Variants in G3BP1 observed in about 807,000 individuals in gnomAD.
G3BP1 encodes the protein G3BP stress granule assembly factor 1.
G3BP1 carries 35 observed loss-of-function variants against 58.6 expected under a neutral mutation model. That is an observed-to-expected ratio of 0.60 (90% CI 0.46 to 0.79). G3BP1 has a LOEUF of 0.79. Among genes scored for constraint, G3BP1 ranks in the 30% least tolerant of loss-of-function variants. The pLI is 0.00. For synonymous variants in G3BP1, 191 were observed against 195.4 expected (o/e 0.98, Z 0.19); for missense variants, 523 against 580.8 (o/e 0.90, Z 1.02).
intron 4 of G3BP1, chr5:151,792,186 G>T: frequency 2.2e-6 from 1 of 453,628 alleles, no homozygotes; most frequent in Non-Finnish European, 4.4e-6. Context: ...TTCCGGATTG[G>T]TCTAGACTGA....
intron 1 of G3BP1, among the ~76,000 whole-genome samples, chr5:151,772,887 A>T (rs966272988): frequency 6.6e-6 from 1 of 152,218 alleles, no homozygotes; most frequent in Admixed American, 6.5e-5. Flanking sequence ...CTGCAGCGGC[A>T]TTTGTACTTG....
intron 7 of G3BP1, among the ~76,000 whole-genome samples, chr5:151,798,555 A>G (rs1206212918): frequency 2.6e-5 from 4 of 152,234 alleles, no homozygotes; most frequent in South Asian, 2.1e-4. Flanking sequence ...TGATTCTACA[A>G]TTGATGTAAT....
intron 1 of G3BP1, among the ~76,000 whole-genome samples, chr5:151,785,009 A>C (rs1315449441): frequency 6.6e-6 from 1 of 152,342 alleles, no homozygotes; most frequent in African/African-American, 2.4e-5. Context: ...TCAAAGTAGA[A>C]TGTTTGGAAA....
In G3BP1 at chr5:151,800,220, C is replaced by T. The variant is rs749983520; in HGVS notation, c.958C>T (p.Arg320Cys). The change falls in exon 10 of 12, where the codon CGT becomes TGT. Residue 320 changes from arginine to cysteine, a missense_variant and splice_region_variant. By Grantham distance (180) the Arg-to-Cys change is radical. Coordinates refer to ENST00000356245, the MANE Select transcript of G3BP1 (RefSeq NM_005754.3). ...TGATGTTTTTGTCTCCTTTTAAGTC[C>T]GTGAGGCTGGTGAGCAAGGTGACAT... is the stretch of plus-strand genomic sequence containing the variant. ...IPPQRGPRPI[R>C]EAGEQGDIEP... 16 of 1,611,904 alleles carry T rather than the reference C, an allele frequency of 9.9e-6. No individual in the cohort carries two copies. The highest frequency in any genetic ancestry group is 1.1e-5 in the South Asian group (1 of 90,906).
chr5:151,793,964 TGGTGGCTCACTG>T (rs1762704588), intron 4 of G3BP1, among the ~76,000 whole-genome samples, 183 bp from the exon 5 acceptor site: 2 of 152,126 alleles, frequency 1.3e-5, no homozygotes, highest in South Asian at 4.1e-4. Context: ...CAGTGAGCTG[TGGTGGCTCACTG>T]CATTCCCACC....
intron 11 of G3BP1, among the ~76,000 whole-genome samples, chr5:151,802,538 A>T (rs1302852981): frequency 6.6e-6 from 1 of 152,086 alleles, no homozygotes; most frequent in Non-Finnish European, 1.5e-5. Flanking sequence ...TAGTGTTGTG[A>T]CCCATGGGAC....
chr5:151,781,598 T>C (rs1762472849), intron 1 of G3BP1, among the ~76,000 whole-genome samples: 1 of 152,208 alleles, frequency 6.6e-6, no homozygotes, highest in Admixed American at 6.5e-5. Context: ...AACAGAAAAG[T>C]TATGACATTA....
chr5:151,797,427 G>C lies in G3BP1; in HGVS notation c.740G>C (p.Arg247Thr). 6.2e-7 allele frequency: 1 copy of C among 1,605,742 alleles called. No homozygotes were observed. Among genetic ancestry groups the C allele is most frequent in the Non-Finnish European group, 8.5e-7 (1 of 1,174,242 alleles). ...GCTCAGACAGTACAGGAAGACTTGAGGGTATGAAACGTGTCTTCATTTTTA... is the reference window on the plus strand; with the variant it reads ...GCTCAGACAGTACAGGAAGACTTGACGGTATGAAACGTGTCTTCATTTTTA... ...DIAQTVQEDL[R>T]TFSWASVTSK... The change falls in exon 7 of 12, where the codon AGG becomes ACG. Residue 247 changes from arginine to threonine, a missense_variant and splice_region_variant. Physicochemically the swap from Arg to Thr is moderately conservative, Grantham distance 71. This residue lies in a region of G3BP1 where 398 missense variants were observed against 399.1 expected (regional missense o/e 1.00). Transcript: ENST00000356245.
At position 151,791,071 on chromosome 5, in the gene G3BP1, A is replaced by G. The variant is rs1762644817; in HGVS notation, c.351+9A>G. On this transcript the variant is annotated intron_variant, in intron 4 of 11. Transcript: ENST00000356245. ...TTGTCCTTGCTCCTGAGGTATGTGT[A>G]GGAATGATTATTTTGTAGTGATCCA... 1.9e-6 allele frequency: 3 copies of G among 1,604,396 alleles called. No homozygotes were observed. Among genetic ancestry groups the G allele is most frequent in the African/African-American group, 1.3e-5 (1 of 74,860 alleles).
intron 1 of G3BP1, chr5:151,772,810 G>C (rs1273506717): frequency 1.3e-5 from 2 of 152,234 alleles, no homozygotes; most frequent in African/African-American, 4.8e-5. Context: ...CCTGTTTTTA[G>C]TCTTTGCCCC....
rs1347308916 is a variant in G3BP1 at position 151,791,260 on chromosome 5, T to C, written c.351+198T>C. ...CATGTGTATAATTCTTTCTCTAAAA[T>C]AGTTTAGTGGGCATTTCCTAAGAAT... is the stretch of plus-strand genomic sequence containing the variant. On this transcript the variant is annotated intron_variant, in intron 4 of 11. Coordinates refer to ENST00000356245, the MANE Select transcript of G3BP1 (RefSeq NM_005754.3). The C allele has an allele frequency of 8.8e-6, 4 of 453,074 alleles. 1 individual carries two copies. The highest frequency in any genetic ancestry group is 8.0e-6 in the Non-Finnish European group (2 of 250,218). 28.1% of individuals were successfully genotyped at this position (453,074 alleles called of 1,614,324 possible).
chr5:151,802,379 T>C (rs1762869706), intron 11 of G3BP1, among the ~76,000 whole-genome samples: 1 of 152,222 alleles, frequency 6.6e-6, no homozygotes, highest in South Asian at 2.1e-4. Context: ...AGAAGTCTAC[T>C]ATGCTCCCTT....
At chr5:151,801,451 A>G (rs113668104) in intron 11 of G3BP1, among the ~76,000 whole-genome samples, 3 of 152,324 alleles carry the variant, frequency 2.0e-5, no homozygotes, top group Admixed American at 6.5e-5. Context: ...GCAAAAAACT[A>G]CTTTTTGTAG....
At chr5:151,789,326 G>T (rs371955428) in intron 2 of G3BP1, among the ~76,000 whole-genome samples, 1 of 151,782 alleles carries the variant, frequency 6.6e-6, no homozygotes, top group Non-Finnish European at 1.5e-5. Flanking sequence ...CTAAGATTGC[G>T]CCATGGCACT....
chr5:151,809,209 A>G lies in G3BP1; in HGVS notation c.*5118A>G, dbSNP rs892870122. The G allele has an allele frequency of 5.9e-5, 9 of 151,928 alleles. No individual in the cohort carries two copies. The highest frequency in any genetic ancestry group is 5.9e-4 in the Admixed American group (9 of 15,244). The allele number at this position is 151,928 out of a possible 1,614,324, so 9.4% of individuals were successfully genotyped here. On this transcript the variant is annotated 3_prime_UTR_variant, in exon 12 of 12. Transcript: ENST00000356245. Reference sequence around the variant, plus strand: ...AAAAAATTAGAAAACAACAAAAACCACTTCGGTTACTCACTGTCCTCATGC... The same window carrying G: ...AAAAAATTAGAAAACAACAAAAACCGCTTCGGTTACTCACTGTCCTCATGC...
intron 4 of G3BP1, chr5:151,791,826 T>G: frequency 3.4e-6 from 1 of 292,456 alleles, no homozygotes; most frequent in Non-Finnish European, 6.7e-6. Flanking sequence ...TCGGCTGATT[T>G]TAGTATTTTT....
chr5:151,794,644 CTT>C (rs1305086543), intron 5 of G3BP1, among the ~76,000 whole-genome samples: 4 of 152,158 alleles, frequency 2.6e-5, no homozygotes, highest in African/African-American at 9.7e-5. Context: ...CATGACTACT[CTT>C]TGTGCTGGAG....
At position 151,803,966 on chromosome 5, in the gene G3BP1, A is replaced by G; in HGVS notation, c.1276A>G (p.Asn426Asp). Reference sequence around the variant, plus strand: ...TGCCAGGGAAGGCGACCGACGAGATAATCGCCTTCGGGGACCTGGAGGCCC... The same window carrying G: ...TGCCAGGGAAGGCGACCGACGAGATGATCGCCTTCGGGGACCTGGAGGCCC... ...RAAREGDRRDNRLRGPGGPRG... is the reference protein window; with the variant it reads ...RAAREGDRRDDRLRGPGGPRG... The change falls in exon 12 of 12, where the codon AAT becomes GAT. Residue 426 changes from asparagine to aspartate, a missense_variant. Asn to Asp is a conservative substitution (Grantham distance 23, BLOSUM62 1). Coordinates refer to ENST00000356245, the MANE Select transcript of G3BP1 (RefSeq NM_005754.3). The G allele has an allele frequency of 6.2e-7, 1 of 1,613,734 alleles. No individual in the cohort carries two copies. The highest frequency in any genetic ancestry group is 8.5e-7 in the Non-Finnish European group (1 of 1,179,634).
chr5:151,804,054 G>A lies in G3BP1; in HGVS notation c.1364G>A (p.Gly455Glu). Reference protein sequence around the residue: ...PPRGGMVQKPGFGVGRGLAPR... With the variant: ...PPRGGMVQKPEFGVGRGLAPR... ...CGTGGAGGCATGGTGCAGAAACCAG[G>A]ATTTGGAGTGGGAAGGGGGCTTGCG... is the stretch of plus-strand genomic sequence containing the variant. The change falls in exon 12 of 12, where the codon GGA (glycine) becomes GAA (glutamate). Residue 455 changes from glycine to glutamate, a missense_variant. By Grantham distance (98) the Gly-to-Glu change is moderately conservative. Coordinates refer to ENST00000356245, the MANE Select transcript of G3BP1 (RefSeq NM_005754.3). 1 of 1,612,228 alleles carries A rather than the reference G, an allele frequency of 6.2e-7. No homozygotes were observed.
Sources: gnomAD v4.1 joint callset for allele counts (sites outside exome capture counted in the v4.1 genomes callset) on GRCh38, gnomAD v4.1.1 for gene constraint, gnomAD v4.1.1 regional missense constraint, MANE v1.5 for transcripts, NCBI Gene and HGNC (gene_info 2026-07-23, HGNC 2026-07-21) for gene names.